ANKRD36: variants seen among roughly 807,000 people sequenced by gnomAD.
ANKRD36 encodes the protein ankyrin repeat domain-containing protein 36A.
A neutral mutation model predicts 278.1 loss-of-function variants in ANKRD36; 179 were observed. The observed-to-expected ratio is 0.64, with a 90% CI of 0.57 to 0.73. ANKRD36 has a LOEUF of 0.73. Ranked by LOEUF, ANKRD36 falls within the 30% of genes least tolerant of loss-of-function variation. ANKRD36 has a pLI of 0.00. For missense variants in ANKRD36, 1,159 were observed against 1,956.7 expected, an observed-to-expected ratio of 0.59 and a Z score of 7.69; for synonymous variants, 320 against 641.1, an observed-to-expected ratio of 0.50 and a Z score of 7.57.
chr2:97,207,061 C>A (rs1484598080), intron 52 of ANKRD36, among the ~76,000 whole-genome samples: 1 of 151,534 alleles, frequency 6.6e-6, no homozygotes, highest in Non-Finnish European at 1.5e-5. Context: ...TGATCAATAT[C>A]TAATGCTTGT....
At chr2:97,204,029 T>G in intron 48 of ANKRD36, 39 bp from the exon 49 acceptor site, 1 of 1,555,002 alleles carries the variant, frequency 6.4e-7, no homozygotes, top group Non-Finnish European at 8.7e-7. Flanking sequence ...TTTTGTCATT[T>G]TTACATATGA....
intron 10 of ANKRD36, among the ~76,000 whole-genome samples, chr2:97,145,275 G>A (rs1347250649): frequency 6.6e-6 from 1 of 152,026 alleles, no homozygotes; most frequent in East Asian, 1.9e-4. Context: ...TAGAATGTTT[G>A]CATAAAGGAA....
chr2:97,169,791 C>G (rs945199892), intron 22 of ANKRD36, among the ~76,000 whole-genome samples: 10 of 152,224 alleles, frequency 6.6e-5, no homozygotes, highest in African/African-American at 2.4e-4. Context: ...AGGACACAAA[C>G]AAATGGAAGA....
At chr2:97,216,001 A>C (rs2065839022) in intron 62 of ANKRD36, among the ~76,000 whole-genome samples, 2 of 151,912 alleles carry the variant, frequency 1.3e-5, no homozygotes, top group Non-Finnish European at 2.9e-5. Context: ...TTATTTATGT[A>C]ATTTTGGGGT....
intron 22 of ANKRD36, among the ~76,000 whole-genome samples, chr2:97,170,839 C>G (rs1284897624): frequency 6.7e-6 from 1 of 150,350 alleles, no homozygotes; most frequent in African/African-American, 2.4e-5. Flanking sequence ...ACAATGAACT[C>G]AAACAAATTT....
intron 26 of ANKRD36, among the ~76,000 whole-genome samples, chr2:97,183,071 A>G (rs954343263): frequency 5.3e-5 from 8 of 151,670 alleles, no homozygotes; most frequent in Admixed American, 6.6e-5. Flanking sequence ...AATCCTTCTG[A>G]TGTCTTGCAT....
intron 42 of ANKRD36, among the ~76,000 whole-genome samples, chr2:97,197,952 C>A (rs1214571360): frequency 6.6e-6 from 1 of 151,934 alleles, no homozygotes; most frequent in South Asian, 2.1e-4. Context: ...AATTTAGGAC[C>A]CTTCCACTGA....
chr2:97,147,817 C>A (rs1213289242), intron 11 of ANKRD36, among the ~76,000 whole-genome samples: 1 of 151,742 alleles, frequency 6.6e-6, no homozygotes, highest in Non-Finnish European at 1.5e-5. Context: ...AGGGAAAAAT[C>A]TGAATATTTG....
intron 22 of ANKRD36, among the ~76,000 whole-genome samples, chr2:97,179,027 A>G (rs1367334933): frequency 6.6e-6 from 1 of 151,508 alleles, no homozygotes; most frequent in African/African-American, 2.4e-5. Context: ...AAGTATGTCA[A>G]ATTTGGTAAT....
intron 50 of ANKRD36, among the ~76,000 whole-genome samples, chr2:97,205,675 T>A (rs1230307937): frequency 1.3e-5 from 2 of 151,508 alleles, no homozygotes; most frequent in Admixed American, 6.6e-5. Context: ...CTAAGCACAT[T>A]GATATTGACA....
chr2:97,155,801 A>G (rs1300254740), intron 15 of ANKRD36, among the ~76,000 whole-genome samples: 7 of 146,660 alleles, frequency 4.8e-5, no homozygotes, highest in Non-Finnish European at 1.1e-4. Context: ...TAGAAAACCT[A>G]TTTGTATGTA....
chr2:97,202,452 C>A (rs2061649910), intron 48 of ANKRD36, 59 bp downstream of exon 48: 1 of 1,537,864 alleles, frequency 6.5e-7, no homozygotes, highest in Admixed American at 2.0e-5. Context: ...AAGTTCTCTT[C>A]CCCAAATAAA....
rs937852264 is a variant in ANKRD36 at position 97,136,056 on chromosome 2, T to G, written c.800-6584T>G. On this transcript the variant is annotated intron_variant, in intron 6 of 75. Coordinates refer to ENST00000420699, the MANE Select transcript of ANKRD36 (RefSeq NM_001354587.1). ...GGCTTCAGGGTGGGGCTCATCATCA[T>G]AGTGATCAGGGTGTGATTAGAGGGT... is the stretch of plus-strand genomic sequence containing the variant. Among the ~76,000 whole-genome samples, 81 of 151,602 alleles carry G rather than the reference T, an allele frequency of 5.3e-4. 1 individual carries two copies. The highest frequency in any genetic ancestry group is 8.1e-4 in the Non-Finnish European group (55 of 67,910).
intron 6 of ANKRD36, among the ~76,000 whole-genome samples, chr2:97,127,343 TTTAA>T: frequency 1.3e-5 from 2 of 152,054 alleles, no homozygotes; most frequent in Admixed American, 1.3e-4. Context: ...AAAATTATTA[TTTAA>T]TTATGGTTCC....
At chr2:97,191,258 TG>T in intron 36 of ANKRD36, 77 bp downstream of exon 36, 1 of 1,425,292 alleles carries the variant, frequency 7.0e-7, no homozygotes, top group South Asian at 1.3e-5. Context: ...TGAATTGGCC[TG>T]GGGCTCGTCG....
chr2:97,159,231 G>T (rs1475365052), intron 17 of ANKRD36, among the ~76,000 whole-genome samples: 1 of 151,906 alleles, frequency 6.6e-6, no homozygotes, highest in Non-Finnish European at 1.5e-5. Context: ...TTTAATAAAG[G>T]ATTGGAAGAA....
intron 50 of ANKRD36, among the ~76,000 whole-genome samples, chr2:97,205,720 T>G (rs1257896727): frequency 6.6e-6 from 1 of 151,404 alleles, no homozygotes; most frequent in Non-Finnish European, 1.5e-5. Flanking sequence ...ATGAGAAATC[T>G]TACCACGTTT....
intron 48 of ANKRD36, among the ~76,000 whole-genome samples, chr2:97,202,686 T>C (rs1575812879): frequency 6.6e-6 from 1 of 151,824 alleles, no homozygotes; most frequent in East Asian, 1.9e-4. Context: ...ATCCTCCAGC[T>C]TGTTTTCAGT....
chr2:97,224,299 G>T (rs2068621960), intron 66 of ANKRD36, among the ~76,000 whole-genome samples: 1 of 151,308 alleles, frequency 6.6e-6, no homozygotes. Flanking sequence ...TGAACCTGGT[G>T]ACATCTAGTG....
Sources: allele counts gnomAD v4.1 joint callset (sites outside exome capture counted in the v4.1 genomes callset), GRCh38; gene constraint gnomAD v4.1.1; transcripts MANE v1.5; gene names NCBI Gene and HGNC (gene_info 2026-07-23, HGNC 2026-07-21).